MCM3AP: variants seen among roughly 807,000 people sequenced by gnomAD.
The protein encoded by MCM3AP is minichromosome maintenance complex component 3 associated protein.
In MCM3AP, 126 loss-of-function variants were observed where a neutral mutation model predicts 184.1. The ratio of observed to expected loss-of-function variants is 0.68; its 90% CI spans 0.59 to 0.79. The LOEUF is 0.79. MCM3AP is among the 30% of genes least tolerant of loss of function. MCM3AP has a pLI of 0.00. For synonymous variants in MCM3AP, 1,002 were observed against 979.3 expected, an observed-to-expected ratio of 1.02 and a Z score of -0.43; for missense variants, 2,496 against 2,479.2, an observed-to-expected ratio of 1.01 and a Z score of -0.14.
At position 46,254,856 on chromosome 21, in the gene MCM3AP, A is replaced by G. The variant is rs777609479; in HGVS notation, c.3933-12T>C. 2 of 1,611,578 alleles carry G rather than the reference A, an allele frequency of 1.2e-6. No individual in the cohort carries two copies. Among genetic ancestry groups the G allele is most frequent in the South Asian group, 2.2e-5 (2 of 91,020 alleles). The stretch of plus-strand genomic sequence containing the variant: ...TGAGCCGCCTTAACCTGCAAAGGAA[A>G]GCAGAATGACAGTGTCCCCGCAGGA... On this transcript the variant is annotated splice_polypyrimidine_tract_variant and intron_variant, in intron 17 of 27. Transcript: ENST00000291688.
At position 46,235,197 on chromosome 21, in the gene MCM3AP, T is replaced by TG; in HGVS notation, c.*70dup. 1 of 1,484,472 alleles carries TG rather than the reference T, an allele frequency of 6.7e-7. No homozygotes were observed. The highest frequency in any genetic ancestry group is 1.2e-5 in the South Asian group (1 of 85,534). The allele number at this position is 1,484,472 out of a possible 1,614,324, so 92.0% of individuals were successfully genotyped here. A position where few individuals can be genotyped will look rare whatever the true frequency, so the allele number is the denominator to read the frequency against. On this transcript the variant is annotated 3_prime_UTR_variant, in exon 28 of 28. Coordinates refer to ENST00000291688, the MANE Select transcript of MCM3AP (RefSeq NM_003906.5). ...CATTTCCAACAGTGCATCAAGCATC[T>TG]GAGAATAACATTATTTTGAGTAAAA...
At chr21:46,285,683 A>T (rs962914293), upstream of MCM3AP, 2 of 171,484 alleles carry the variant, frequency 1.2e-5, no homozygotes, top group African/African-American at 2.4e-5. Context: ...CAGTAAGAAA[A>T]TGAATGCTGT....
At chr21:46,254,148 A>G in intron 19 of MCM3AP, 1 of 537,368 alleles carries the variant, frequency 1.9e-6, no homozygotes, top group Non-Finnish European at 3.3e-6. Flanking sequence ...AGTCTCAGAT[A>G]TTTCTTTAAA....
At position 46,251,566 on chromosome 21, in the gene MCM3AP, TTGC is replaced by T. The variant is rs760631704; in HGVS notation, c.4250_4252del (p.Ser1417del). On this transcript the variant is annotated inframe_deletion, in exon 20 of 28. Transcript: ENST00000291688. Reference sequence around the variant, plus strand: ...GTTAACAGAAATCATCTGATCCCCTTTGCTGCTAAGTGAGTTGAAAAGCGAAAG... The same window carrying T: ...GTTAACAGAAATCATCTGATCCCCTTTGCTAAGTGAGTTGAAAAGCGAAAG... The T allele has an allele frequency of 4.3e-6, 7 of 1,612,698 alleles. No individual in the cohort carries two copies. Among genetic ancestry groups the T allele is most frequent in the African/African-American group, 1.3e-5 (1 of 75,038 alleles).
intron 5 of MCM3AP, 74 bp downstream of exon 5, chr21:46,277,453 T>C: frequency 2.5e-6 from 3 of 1,199,456 alleles, no homozygotes; most frequent in East Asian, 2.7e-5. Context: ...TGGAAAGGAG[T>C]TGCTCCTGCC....
At chr21:46,283,548 A>T in intron 2 of MCM3AP, 67 bp downstream of exon 2, 1 of 1,166,746 alleles carries the variant, frequency 8.6e-7, no homozygotes, top group East Asian at 2.4e-5. Flanking sequence ...GACCAAAAAA[A>T]AAAAACAGGT....
chr21:46,276,036 G>A (rs1407827534), intron 5 of MCM3AP, among the ~76,000 whole-genome samples: 3 of 152,180 alleles, frequency 2.0e-5, no homozygotes, highest in African/African-American at 7.2e-5. Flanking sequence ...CAGATCACCT[G>A]AGGTCGGGAG....
At chr21:46,262,125 G>C (rs543585617) in intron 13 of MCM3AP, among the ~76,000 whole-genome samples, 2 of 152,242 alleles carry the variant, frequency 1.3e-5, no homozygotes, top group South Asian at 4.2e-4. Context: ...GACTCATGAA[G>C]AAACAGAAAA....
chr21:46,284,916 G>A lies in MCM3AP; in HGVS notation c.371C>T (p.Thr124Ile), dbSNP rs2081387378. The A allele has an allele frequency of 6.2e-7, 1 of 1,614,180 alleles. No individual in the cohort carries two copies. The highest frequency in any genetic ancestry group is 8.5e-7 in the Non-Finnish European group (1 of 1,180,034). ...SPTSVGAFPS[T>I]SAFGQEAGEI... is the part of the protein sequence containing the mutation. Reference sequence around the variant, plus strand: ...TCCAGCTTCTTGTCCAAAAGCAGAAGTGCTTGGGAAAGCCCCAACACTGGT... The same window carrying A: ...TCCAGCTTCTTGTCCAAAAGCAGAAATGCTTGGGAAAGCCCCAACACTGGT... Residue 124 changes from threonine (T) to isoleucine (I), a missense_variant, in exon 1 of 28, where the codon ACT (threonine) becomes ATT (isoleucine). By Grantham distance (89) the Thr-to-Ile change is moderately conservative. Transcript: ENST00000291688.
At chr21:46,260,494 T>C (rs1235393191) in intron 15 of MCM3AP, among the ~76,000 whole-genome samples, 1 of 152,238 alleles carries the variant, frequency 6.6e-6, no homozygotes, top group East Asian at 1.9e-4. Context: ...CAGCAACATC[T>C]GACTTGTGCA....
intron 19 of MCM3AP, chr21:46,251,890 T>A (rs2145637446): frequency 5.2e-6 from 2 of 382,674 alleles, no homozygotes; most frequent in African/African-American, 2.1e-5. Context: ...TCTTTTTTTT[T>A]TTTTTTTTTT....
At chr21:46,254,276 T>G in intron 19 of MCM3AP, 116 bp downstream of exon 19, 1 of 1,100,084 alleles carries the variant, frequency 9.1e-7, no homozygotes, top group Non-Finnish European at 1.3e-6. Context: ...CATTAAAACA[T>G]AAACCTACAC....
At chr21:46,251,467 T>C (rs1485406363) in intron 20 of MCM3AP, 62 bp downstream of exon 20, 7 of 1,396,436 alleles carry the variant, frequency 5.0e-6, no homozygotes, top group South Asian at 2.5e-5. Flanking sequence ...GTTCCAGTGA[T>C]ATCTGGGAGT....
At chr21:46,280,235 T>C (rs191591619) in intron 3 of MCM3AP, 98 bp from the exon 4 acceptor site, 108 of 1,346,922 alleles carry the variant, frequency 8.0e-5, no homozygotes, top group Non-Finnish European at 8.0e-5. Flanking sequence ...TTATTTTCAT[T>C]GTCACAGGAG....
At position 46,284,424 on chromosome 21, in the gene MCM3AP, A is replaced by T; in HGVS notation, c.863T>A (p.Met288Lys). ...GTCCTCCTTCCTTTTCAGTCCTTTC[A>T]TTAGGCTGGGAAGTGGTTCCACCTG... ...VSQVEPLPSLMKGLKRKEDQD... is the reference protein window; with the variant it reads ...VSQVEPLPSLKKGLKRKEDQD... The change falls in exon 1 of 28, where the codon ATG (methionine) becomes AAG (lysine). Residue 288 changes from methionine to lysine, a missense_variant. Transcript: ENST00000291688. 3.7e-6 allele frequency: 6 copies of T among 1,613,948 alleles called. No homozygotes were observed. The highest frequency in any genetic ancestry group is 5.1e-6 in the Non-Finnish European group (6 of 1,180,004).
intron 16 of MCM3AP, among the ~76,000 whole-genome samples, chr21:46,257,474 CAAAAAAAAAAAA>C (rs369556689): frequency 6.1e-5 from 3 of 49,346 alleles, no homozygotes; most frequent in Non-Finnish European, 1.1e-4. Flanking sequence ...GGCTCCGTCT[CAAAAAAAAAAAA>C]AAAAAAAAAA....
intron 2 of MCM3AP, among the ~76,000 whole-genome samples, 198 bp downstream of exon 2, chr21:46,283,417 A>G (rs1214206790): frequency 6.6e-6 from 1 of 152,218 alleles, no homozygotes; most frequent in Non-Finnish European, 1.5e-5. Flanking sequence ...GCATTTCTAG[A>G]GTACTATATT....
rs1235058724 is a variant in MCM3AP at position 46,265,458 on chromosome 21, G to C, written c.3097C>G (p.Leu1033Val). The C allele has an allele frequency of 1.4e-5, 23 of 1,613,674 alleles. No individual in the cohort carries two copies. The highest frequency in any genetic ancestry group is 1.8e-5 in the Non-Finnish European group (21 of 1,179,838). ...ACTGGTGAGGGCGCAGGGGCTGGTA[G>C]AGACTGTGGGAGACTGGACAGGGGT... ...DAPLSSLPQS[L>V]PAPAPSPVPL... The change falls in exon 12 of 28, where the codon CTA (leucine) becomes GTA (valine). Residue 1033 changes from leucine (L) to valine (V), a missense_variant. Leu to Val is a conservative substitution (Grantham distance 32). Transcript: ENST00000291688.
chr21:46,261,789 G>A (rs1346852918), intron 13 of MCM3AP, among the ~76,000 whole-genome samples: 3 of 150,610 alleles, frequency 2.0e-5, no homozygotes, highest in African/African-American at 4.9e-5. Flanking sequence ...CATTGACAAG[G>A]GAAAAAAAAC....
Sources: allele counts gnomAD v4.1 joint callset (sites outside exome capture counted in the v4.1 genomes callset), GRCh38; gene constraint gnomAD v4.1.1; transcripts MANE v1.5; gene names NCBI Gene and HGNC (gene_info 2026-07-23, HGNC 2026-07-21).